The following KCNU1 variants were observed in gnomAD, a reference collection of about 807,000 sequenced individuals.
The protein encoded by KCNU1 is potassium calcium-activated channel subfamily U member 1, also known as potassium channel subfamily U member 1.
Under a neutral mutation model 126.8 loss-of-function variants are expected in KCNU1, and 93 were observed. The ratio of observed to expected loss-of-function variants is 0.73; its 90% CI spans 0.62 to 0.87. The LOEUF (loss-of-function observed/expected upper bound fraction) is 0.87, where lower values mean the gene tolerates loss of function less well. KCNU1 is among the 40% of genes least tolerant of loss of function. The probability of loss-of-function intolerance (pLI) is 0.00; values close to 1 mark genes in which losing one functional copy is unlikely to be tolerated. For synonymous variants in KCNU1, 523 were observed against 494.2 expected (o/e 1.06, Z -0.77); for missense variants, 1,330 against 1,367.1 (o/e 0.97, Z 0.43).
At chr8:36,820,883 C>T (rs1442509599) in intron 10 of KCNU1, among the ~76,000 whole-genome samples, 2 of 152,146 alleles carry the variant, frequency 1.3e-5, no homozygotes, top group East Asian at 1.9e-4. Flanking sequence ...TGCAAAGAAG[C>T]TTACAGACAT....
intron 12 of KCNU1, among the ~76,000 whole-genome samples, chr8:36,835,337 T>C (rs1804708529): frequency 6.7e-6 from 1 of 149,930 alleles, no homozygotes; most frequent in Non-Finnish European, 1.5e-5. Context: ...TATTCTCTTT[T>C]CTTTTCTTTT....
Position 36,909,489 on chromosome 8 carries a change from G to C in KCNU1, c.2285G>C (p.Arg762Thr). Residue 762 changes from arginine to threonine, a missense_variant, in exon 21 of 27, where the codon AGA becomes ACA. By Grantham distance (71) the Arg-to-Thr change is moderately conservative. Transcript: ENST00000399881. ...ATTGGGTCTCTGGACTATCTACAGA[G>C]AGAATGGCGATTTCTCTGGAATTTT... ...VFIGSLDYLQREWRFLWNFPQ... is the reference protein window; with the variant it reads ...VFIGSLDYLQTEWRFLWNFPQ... 1.2e-6 allele frequency: 2 copies of C among 1,613,238 alleles called. No individual in the cohort carries two copies. The highest frequency in any genetic ancestry group is 1.1e-5 in the South Asian group (1 of 91,046).
chr8:36,842,633 A>G lies in KCNU1; in HGVS notation c.1703+1630A>G, dbSNP rs113497309. Among the ~76,000 whole-genome samples the G allele has an allele frequency of 2.5e-3, 386 of 152,314 alleles. 11 individuals are homozygous for G. The highest frequency in any genetic ancestry group is 8.9e-3 in the African/African-American group (368 of 41,580). On this transcript the variant is annotated intron_variant, in intron 16 of 26. Coordinates refer to ENST00000399881, the MANE Select transcript of KCNU1 (RefSeq NM_001031836.3). Reference sequence around the variant, plus strand: ...GTTTTAGTAACAAGTTTGTCTTTCAATCACCTGGCTTATATGTCAGAATTA... The same window carrying G: ...GTTTTAGTAACAAGTTTGTCTTTCAGTCACCTGGCTTATATGTCAGAATTA...
chr8:36,785,842 T>C (rs1265885595), intron 1 of KCNU1, among the ~76,000 whole-genome samples: 2 of 152,230 alleles, frequency 1.3e-5, no homozygotes, highest in African/African-American at 4.8e-5. Flanking sequence ...TGACAGTACA[T>C]TTGTCAATTT....
intron 10 of KCNU1, among the ~76,000 whole-genome samples, chr8:36,822,551 C>T (rs1442427367): frequency 6.6e-6 from 1 of 152,150 alleles, no homozygotes; most frequent in Non-Finnish European, 1.5e-5. Flanking sequence ...TACAGTATTA[C>T]CATTTTCTTT....
At chr8:36,816,522 TG>T (rs1803919717) in intron 9 of KCNU1, among the ~76,000 whole-genome samples, 1 of 152,122 alleles carries the variant, frequency 6.6e-6, no homozygotes, top group South Asian at 2.1e-4. Context: ...AAAAATATGA[TG>T]AAATGAACAA....
intron 14 of KCNU1, among the ~76,000 whole-genome samples, chr8:36,839,360 A>AT (rs758551713): frequency 6.3e-4 from 96 of 152,238 alleles, no homozygotes; most frequent in Non-Finnish European, 9.6e-4. Flanking sequence ...CCACGCTATC[A>AT]TTTTTTACCT....
At position 36,936,101 on chromosome 8, in the gene KCNU1, GATAA is replaced by G; in HGVS notation, c.*187_*190del. The G allele has an allele frequency of 4.1e-6, 2 of 483,436 alleles. No homozygotes were observed. The highest frequency in any genetic ancestry group is 3.2e-5 in the East Asian group (1 of 30,952). The allele number at this position is 483,436 out of a possible 1,614,324, so 29.9% of individuals were successfully genotyped here. A position where few individuals can be genotyped will look rare whatever the true frequency, so the allele number is the denominator to read the frequency against. On this transcript the variant is annotated 3_prime_UTR_variant, in exon 27 of 27. Coordinates refer to ENST00000399881, the MANE Select transcript of KCNU1 (RefSeq NM_001031836.3). ...AGTCTAATGCCACTGGATCTTGTGT[GATAA>G]ATAAAGAAATATATGATCAATGCTT...
intron 9 of KCNU1, 74 bp downstream of exon 9, chr8:36,815,761 A>G (rs147078296): frequency 0.02 from 17,272 of 847,340 alleles, 237 homozygotes; most frequent in Middle Eastern, 0.035. Flanking sequence ...CTAGACATCT[A>G]TTGTCTGGCT....
At chr8:36,855,730 G>A (rs184805409) in intron 18 of KCNU1, among the ~76,000 whole-genome samples, 55 of 151,852 alleles carry the variant, frequency 3.6e-4, no homozygotes, top group Middle Eastern at 6.8e-3. Context: ...ATGGAGGGGC[G>A]GCCTATCTCG....
Position 36,842,577 on chromosome 8 carries a change from C to T in KCNU1, c.1703+1574C>T, listed in dbSNP as rs546125869. Among the ~76,000 whole-genome samples, 11 of 152,284 alleles carry T rather than the reference C, an allele frequency of 7.2e-5. No homozygotes were observed. The South Asian group carries it at 1.9e-3, about 26-fold the overall frequency. On this transcript the variant is annotated intron_variant, in intron 16 of 26. Coordinates refer to ENST00000399881, the MANE Select transcript of KCNU1 (RefSeq NM_001031836.3). ...ACTTGGAATCATAAGCCAGGTAGTT[C>T]GGGTTTCAGACTGGCCCAAAATTTT...
intron 22 of KCNU1, among the ~76,000 whole-genome samples, chr8:36,913,916 A>G (rs1585557163): frequency 6.6e-6 from 1 of 152,224 alleles, no homozygotes; most frequent in East Asian, 1.9e-4. Context: ...GTCACATTTT[A>G]AGAACATTTT....
Position 36,864,442 on chromosome 8 carries a change from A to G in KCNU1, c.1930A>G (p.Ile644Val), listed in dbSNP as rs765346532. Residue 644 changes from isoleucine (I) to valine (V), a missense_variant, in exon 19 of 27, where the codon ATC (isoleucine) becomes GTC (valine). Coordinates refer to ENST00000399881, the MANE Select transcript of KCNU1 (RefSeq NM_001031836.3). Reference protein sequence around the residue: ...VKRMKKCLKGISSRISGQDSP... With the variant: ...VKRMKKCLKGVSSRISGQDSP... ...GAGAATGAAAAAATGTCTGAAGGGAATCTCCTCTCGTATATCAGGGCAGGA... is the reference window on the plus strand; with the variant it reads ...GAGAATGAAAAAATGTCTGAAGGGAGTCTCCTCTCGTATATCAGGGCAGGA... 6.2e-6 allele frequency: 10 copies of G among 1,612,250 alleles called. No individual in the cohort carries two copies. The South Asian group carries it at 1.1e-4, about 18-fold the overall frequency.
intron 19 of KCNU1, among the ~76,000 whole-genome samples, chr8:36,885,566 TA>T (rs958759743): frequency 9.9e-5 from 15 of 150,886 alleles, no homozygotes; most frequent in African/African-American, 1.9e-4. Context: ...ATTAAAAAAA[TA>T]AAAAAAACTG....
intron 18 of KCNU1, among the ~76,000 whole-genome samples, chr8:36,849,704 C>G (rs985711024): frequency 5.3e-5 from 8 of 152,174 alleles, no homozygotes; most frequent in Non-Finnish European, 1.2e-4. Context: ...ATCTATACCT[C>G]ATTTTGTTAT....
chr8:36,841,978 T>TA (rs140708191), intron 16 of KCNU1, among the ~76,000 whole-genome samples: 30,049 of 148,712 alleles, frequency 0.2, 3,257 homozygotes, highest in Admixed American at 0.32. Flanking sequence ...AAAGATCTGT[T>TA]AAAAAAAAAA....
intron 2 of KCNU1, among the ~76,000 whole-genome samples, chr8:36,796,210 T>C (rs943015297): frequency 6.6e-6 from 1 of 152,210 alleles, no homozygotes; most frequent in Non-Finnish European, 1.5e-5. Flanking sequence ...CGATTGGGGA[T>C]AGAGTGGCTA....
At chr8:36,925,246 G>T (rs564703321) in intron 24 of KCNU1, among the ~76,000 whole-genome samples, 1 of 152,252 alleles carries the variant, frequency 6.6e-6, no homozygotes, top group South Asian at 2.1e-4. Flanking sequence ...AACACACAGT[G>T]GATCATCAGC....
chr8:36,889,122 A>G lies in KCNU1; in HGVS notation c.2010-16586A>G, dbSNP rs113559243. 9.0e-3 allele frequency: 4,784 copies of G among 532,704 alleles called. 36 individuals carry two copies. Among genetic ancestry groups the G allele is most frequent in the Middle Eastern group, 0.039 (122 of 3,138 alleles). 33.0% of individuals were successfully genotyped at this position (532,704 alleles called of 1,614,324 possible). ...TCGAACTCCTGACCTCAAGTGATCC[A>G]CCTGCTTTGGCCTTCCAAAGTGCTT... On this transcript the variant is annotated intron_variant, in intron 19 of 26. Coordinates refer to ENST00000399881, the MANE Select transcript of KCNU1 (RefSeq NM_001031836.3).
Sources: gnomAD v4.1 joint callset for allele counts (sites outside exome capture counted in the v4.1 genomes callset) on GRCh38, gnomAD v4.1.1 for gene constraint, MANE v1.5 for transcripts, NCBI Gene and HGNC (gene_info 2026-07-23, HGNC 2026-07-21) for gene names.